The following TAF3 variants were observed in gnomAD, a reference collection of about 807,000 sequenced individuals.
The protein encoded by TAF3 is TATA-box binding protein associated factor 3, also known as transcription initiation factor TFIID subunit 3.
TAF3 carries 7 observed loss-of-function variants against 80.6 expected under a neutral mutation model. The ratio of observed to expected loss-of-function variants is 0.09; its 90% confidence interval spans 0.05 to 0.16. The LOEUF (loss-of-function observed/expected upper bound fraction) is 0.16, where lower values mean the gene tolerates loss of function less well. TAF3 is among the 10% of genes least tolerant of loss of function. The probability of loss-of-function intolerance (pLI) is 1.00; values close to 1 mark genes in which losing one functional copy is unlikely to be tolerated. For synonymous variants in TAF3, 444 were observed against 446.1 expected, an observed-to-expected ratio of 1.00 and a Z score of 0.06; for missense variants, 921 against 1,140.2, an observed-to-expected ratio of 0.81 and a Z score of 2.77.
rs558576353 is a variant in TAF3 at position 8,016,427 on chromosome 10, G to A, written c.*1676G>A. ...CGGAGCACAGGGTGTCATTGCCCTC[G>A]TTGTTCAAGAGGCCAGAATTTTTCT... On this transcript the variant is annotated 3_prime_UTR_variant, in exon 7 of 7. Transcript: ENST00000344293. 4 of 152,154 alleles carry A rather than the reference G, an allele frequency of 2.6e-5. No individual in the cohort carries two copies. Among genetic ancestry groups the A allele is most frequent in the South Asian group, 2.1e-4 (1 of 4,820 alleles). 9.4% of individuals were successfully genotyped at this position (152,154 alleles called of 1,614,324 possible).
At chr10:7,833,219 C>G (rs1244208117) in intron 2 of TAF3, among the ~76,000 whole-genome samples, 3 of 152,160 alleles carry the variant, frequency 2.0e-5, no homozygotes, top group African/African-American at 7.2e-5. Flanking sequence ...TGGGTAAATA[C>G]TCAGGAGTGG....
At position 7,964,422 on chromosome 10, in the gene TAF3, T is replaced by C; in HGVS notation, c.912T>C (p.Thr304=). The change falls in exon 3 of 7, where the codon ACT becomes ACC. Residue 304 remains threonine, a synonymous_variant. Coordinates refer to ENST00000344293, the MANE Select transcript of TAF3 (RefSeq NM_031923.4). This position sits in a 1 kb window ranked among gnomAD's most constrained non-coding sequence, Gnocchi z 4.1. ...MVGSPIRSPK[T]VSKEKKSPGR... is the part of the protein sequence containing the mutation. The stretch of plus-strand genomic sequence containing the variant: ...GAAGTCCTATTCGATCACCAAAAAC[T>C]GTATCCAAAGAAAAGAAATCACCTG... 2 of 1,613,930 alleles carry C rather than the reference T, an allele frequency of 1.2e-6. No individual in the cohort carries two copies. The highest frequency in any genetic ancestry group is 1.1e-5 in the South Asian group (1 of 91,072).
intron 4 of TAF3, among the ~76,000 whole-genome samples, chr10:8,005,758 A>G (rs1477957396): frequency 6.6e-6 from 1 of 152,226 alleles, no homozygotes; most frequent in Non-Finnish European, 1.5e-5. Context: ...AACCATAAAA[A>G]TAGAGAATGC....
chr10:7,867,948 T>C (rs752078142), intron 2 of TAF3, among the ~76,000 whole-genome samples: 1 of 152,108 alleles, frequency 6.6e-6, no homozygotes, highest in Non-Finnish European at 1.5e-5. Flanking sequence ...TAAATTAAGT[T>C]AGAGAAAAGA....
At position 7,975,480 on chromosome 10, in the gene TAF3, A is replaced by G. The variant is rs559808613; in HGVS notation, c.2233-1761A>G. On this transcript the variant is annotated intron_variant, in intron 3 of 6. Coordinates refer to ENST00000344293, the MANE Select transcript of TAF3 (RefSeq NM_031923.4). Reference sequence around the variant, plus strand: ...CTGGGTTAGCTGGTAAACAGCTAGTATTGGAGGCATACATGAAGCTGGAAT... The same window carrying G: ...CTGGGTTAGCTGGTAAACAGCTAGTGTTGGAGGCATACATGAAGCTGGAAT... 4.6e-5 allele frequency among the ~76,000 whole-genome samples: 7 copies of G among 152,340 alleles called. No homozygotes were observed. In the East Asian group the frequency reaches 1.3e-3, roughly 29 times the overall value.
At chr10:7,898,507 C>T (rs1015593401) in intron 2 of TAF3, among the ~76,000 whole-genome samples, 1 of 144,306 alleles carries the variant, frequency 6.9e-6, no homozygotes, top group Non-Finnish European at 1.5e-5. Flanking sequence ...GATCACGCCA[C>T]TGCGCTCCAG....
At position 8,009,160 on chromosome 10, in the gene TAF3, G is replaced by A. The variant is rs559757182; in HGVS notation, c.2398G>A (p.Ala800Thr). 8.3e-6 allele frequency: 13 copies of A among 1,558,106 alleles called. No homozygotes were observed. Among genetic ancestry groups the A allele is most frequent in the South Asian group, 7.9e-5 (7 of 88,648 alleles). Residue 800 changes from alanine to threonine, a missense_variant, in exon 5 of 7, where the codon GCG (alanine) becomes ACG (threonine). By Grantham distance (58) the Ala-to-Thr change is moderately conservative. Coordinates refer to ENST00000344293, the MANE Select transcript of TAF3 (RefSeq NM_031923.4). The surrounding 1 kb of genome is among the most constrained non-coding windows in gnomAD (Gnocchi z 4.1). ...GCCGAAGACCCCACCGCCGGCCCCC[G>A]CGCCCGCCCCCGGCCCCATGCTCGT... is the stretch of plus-strand genomic sequence containing the variant. ...NRPKTPPPAPAPAPGPMLVSP... is the reference protein window; with the variant it reads ...NRPKTPPPAPTPAPGPMLVSP...
At chr10:7,999,948 AT>A (rs1831927436) in intron 4 of TAF3, among the ~76,000 whole-genome samples, 1 of 152,240 alleles carries the variant, frequency 6.6e-6, no homozygotes, top group Non-Finnish European at 1.5e-5. Context: ...TATGGTCAAC[AT>A]TTGCCTGGAA....
chr10:7,888,791 G>A (rs1038944885), intron 2 of TAF3, among the ~76,000 whole-genome samples: 1 of 152,210 alleles, frequency 6.6e-6, no homozygotes, highest in Non-Finnish European at 1.5e-5. Context: ...CATTAGCCAC[G>A]TTGTGCTTTT....
chr10:7,994,543 C>T (rs1386777205), intron 4 of TAF3, among the ~76,000 whole-genome samples: 1 of 152,146 alleles, frequency 6.6e-6, no homozygotes, highest in Non-Finnish European at 1.5e-5. Flanking sequence ...GAGATGAGGT[C>T]TCACTGTGTT....
intron 2 of TAF3, among the ~76,000 whole-genome samples, chr10:7,857,456 G>A (rs549008622): frequency 1.3e-5 from 2 of 152,228 alleles, no homozygotes; most frequent in Non-Finnish European, 2.9e-5. Flanking sequence ...CTACAGAGTA[G>A]CCATGGGTAC....
At chr10:7,878,092 C>T (rs1218669259) in intron 2 of TAF3, among the ~76,000 whole-genome samples, 1 of 152,092 alleles carries the variant, frequency 6.6e-6, no homozygotes, top group Admixed American at 6.6e-5. Flanking sequence ...TGCATCTGAC[C>T]TTCCTGTGTT....
chr10:7,843,824 T>TAATGGTTA (rs1205923193), intron 2 of TAF3, among the ~76,000 whole-genome samples: 2 of 152,112 alleles, frequency 1.3e-5, no homozygotes, highest in Non-Finnish European at 2.9e-5. Flanking sequence ...AGTGAAAATA[T>TAATGGTTA]AATGGTTAAA....
rs370924681 is a variant in TAF3, at chr10:7,927,441, G to C, written c.410-36479G>C. ...TCTAAAGCCTAGGCTTGAAAATGTG[G>C]AAGAGAATTTCCCAGCTCTGCCTCT... On this transcript the variant is annotated intron_variant, in intron 2 of 6. Transcript: ENST00000344293. 1.5e-3 allele frequency among the ~76,000 whole-genome samples: 231 copies of C among 152,294 alleles called. 6 individuals carry two copies. The South Asian group carries it at 0.046, about 30-fold the overall frequency.
At chr10:7,865,347 C>T (rs1052629991) in intron 2 of TAF3, among the ~76,000 whole-genome samples, 15 of 151,994 alleles carry the variant, frequency 9.9e-5, no homozygotes, top group African/African-American at 1.5e-4. Context: ...GGTATGGTGG[C>T]GGGCGCCTGT....
intron 3 of TAF3, among the ~76,000 whole-genome samples, chr10:7,970,229 T>C (rs554438318): frequency 6.6e-6 from 1 of 152,330 alleles, no homozygotes; most frequent in Admixed American, 6.5e-5. Context: ...TCCTGTTGAT[T>C]GAGGAATTGT....
intron 2 of TAF3, among the ~76,000 whole-genome samples, chr10:7,911,106 G>A (rs1837653210): frequency 6.6e-6 from 1 of 152,196 alleles, no homozygotes; most frequent in East Asian, 1.9e-4. Context: ...ACTCACACCT[G>A]AAAGTGTAGT....
At chr10:7,912,342 A>G (rs938896488) in intron 2 of TAF3, among the ~76,000 whole-genome samples, 6 of 152,010 alleles carry the variant, frequency 3.9e-5, no homozygotes, top group Non-Finnish European at 8.8e-5. Flanking sequence ...TCAAGCGATC[A>G]TTCTGCGTTG....
chr10:7,887,509 C>G lies in TAF3; in HGVS notation c.409+62949C>G, dbSNP rs186978705. On this transcript the variant is annotated intron_variant, in intron 2 of 6. Transcript: ENST00000344293. ...TGTTTCTTTTCTTTTTCTTTCCCCA[C>G]TTCTGCTGCTTTTAGGGAAAGGAAG... Among the ~76,000 whole-genome samples, 433 of 152,170 alleles carry G rather than the reference C, an allele frequency of 2.8e-3. 1 individual carries two copies. Among genetic ancestry groups the G allele is most frequent in the Non-Finnish European group, 3.8e-3 (258 of 68,008 alleles).
Sources: allele counts gnomAD v4.1 joint callset (sites outside exome capture counted in the v4.1 genomes callset), GRCh38; gene constraint gnomAD v4.1.1; non-coding constraint Gnocchi (gnomAD v3.1); transcripts MANE v1.5; gene names NCBI Gene and HGNC (gene_info 2026-07-23, HGNC 2026-07-21).